Variants in FAM20C observed in about 807,000 individuals in gnomAD.
FAM20C encodes the protein FAM20C golgi associated secretory pathway kinase.
Under a neutral mutation model 51.5 loss-of-function variants are expected in FAM20C, and 40 were observed. That is an observed-to-expected ratio of 0.78 (90% confidence interval 0.60 to 1.01). The LOEUF is 1.01. FAM20C is among the 50% of genes least tolerant of loss of function. FAM20C has a pLI of 0.00. For synonymous variants in FAM20C, 406 were observed against 380.6 expected (o/e 1.07, Z -0.78); for missense variants, 861 against 844.7 (o/e 1.02, Z -0.24).
chr7:209,073 G>C (rs890751208), intron 3 of FAM20C, 97 bp downstream of exon 3: 1 of 1,231,798 alleles, frequency 8.1e-7, no homozygotes, highest in African/African-American at 1.5e-5. Context: ...CTCCTCCCAG[G>C]GTGTTTTGGG....
chr7:217,229 C>G lies in FAM20C; in HGVS notation c.863+8253C>G, dbSNP rs184333020. 3.2e-3 allele frequency among the ~76,000 whole-genome samples: 487 copies of G among 152,242 alleles called. 4 individuals carry two copies. Among genetic ancestry groups the G allele is most frequent in the East Asian group, 0.016 (84 of 5,162 alleles). On this transcript the variant is annotated intron_variant, in intron 3 of 9. Transcript: ENST00000313766. ...GGGGAGGCGGACACAGCTTTGGCCT[C>G]GGACTTGCAGCTGCGTGGGGCCTTC... is the stretch of plus-strand genomic sequence containing the variant.
intron 3 of FAM20C, among the ~76,000 whole-genome samples, chr7:218,651 G>A (rs112377281): frequency 9.2e-5 from 14 of 152,214 alleles, no homozygotes; most frequent in East Asian, 1.9e-4. Context: ...TGGCCCAGCC[G>A]AGGACAGGGC....
chr7:215,229 G>T (rs953729278), intron 3 of FAM20C, among the ~76,000 whole-genome samples: 1 of 19,598 alleles, frequency 5.1e-5, no homozygotes, highest in Admixed American at 3.9e-4. Context: ...GGCTCCAGCT[G>T]GGGGGGGGAG....
intron 3 of FAM20C, among the ~76,000 whole-genome samples, chr7:216,644 T>C (rs1220839765): frequency 1.4e-4 from 20 of 138,230 alleles, no homozygotes; most frequent in Admixed American, 1.4e-3. Flanking sequence ...TGTGTGTGAG[T>C]GTGTGTGAGT....
At chr7:210,589 C>T (rs1055008408) in intron 3 of FAM20C, among the ~76,000 whole-genome samples, 2 of 152,082 alleles carry the variant, frequency 1.3e-5, no homozygotes, top group African/African-American at 2.4e-5. Flanking sequence ...AGGCAGACTC[C>T]CGCCTCCCAC....
chr7:218,859 G>A (rs1180822536), intron 3 of FAM20C, among the ~76,000 whole-genome samples: 2 of 149,768 alleles, frequency 1.3e-5, no homozygotes, highest in African/African-American at 4.9e-5. Flanking sequence ...GGCCCAGGAC[G>A]CACAGATCAC....
intron 3 of FAM20C, among the ~76,000 whole-genome samples, chr7:214,103 A>G (rs538168817): frequency 1.0e-3 from 152 of 152,290 alleles, no homozygotes; most frequent in African/African-American, 3.5e-3. Flanking sequence ...AGGCAGGTGG[A>G]TCATCTGAGG....
Position 214,123 on chromosome 7 carries a change from C to A in FAM20C, c.863+5147C>A, listed in dbSNP as rs550509402. On this transcript the variant is annotated intron_variant, in intron 3 of 9. Coordinates refer to ENST00000313766, the MANE Select transcript of FAM20C (RefSeq NM_020223.4). Reference sequence around the variant, plus strand: ...GGTGGATCATCTGAGGTTGGGAGTTCAAGACCAGCCTGACCCACATGGTGA... The same window carrying A: ...GGTGGATCATCTGAGGTTGGGAGTTAAAGACCAGCCTGACCCACATGGTGA... Among the ~76,000 whole-genome samples, 14 of 152,236 alleles carry A rather than the reference C, an allele frequency of 9.2e-5. No homozygotes were observed. The East Asian group carries it at 2.7e-3, about 29-fold the overall frequency.
At chr7:241,426 C>A (rs1186349001) in intron 3 of FAM20C, among the ~76,000 whole-genome samples, 1 of 152,176 alleles carries the variant, frequency 6.6e-6, no homozygotes, top group Non-Finnish European at 1.5e-5. Context: ...TCAGACTCCG[C>A]CTTTTCAGGG....
At chr7:207,235 T>C (rs377484370) in intron 2 of FAM20C, among the ~76,000 whole-genome samples, 12 of 37,360 alleles carry the variant, frequency 3.2e-4, no homozygotes, top group Non-Finnish European at 2.4e-4. Flanking sequence ...TCGGTCACTG[T>C]CCCCTCGGCC....
At chr7:220,951 GT>G (rs1787234059) in intron 3 of FAM20C, among the ~76,000 whole-genome samples, 11 of 150,674 alleles carry the variant, frequency 7.3e-5, no homozygotes, top group Non-Finnish European at 1.2e-4. Context: ...TGCAGGAGCC[GT>G]TCTTAGCATC....
At chr7:209,751 A>G (rs1411704173) in intron 3 of FAM20C, among the ~76,000 whole-genome samples, 3 of 152,218 alleles carry the variant, frequency 2.0e-5, no homozygotes, top group Non-Finnish European at 2.9e-5. Context: ...CTTTCTAGAG[A>G]AGCCAGAAAT....
rs1423259907 is a variant in FAM20C, at chr7:206,558, C to T, written c.785-2340C>T. Among the ~76,000 whole-genome samples, 34 of 47,212 alleles carry T rather than the reference C, an allele frequency of 7.2e-4. 2 individuals are homozygous for T. The highest frequency in any genetic ancestry group is 2.6e-3 in the East Asian group (3 of 1,142). The allele number at this position is 47,212 out of a possible 152,430, so 31.0% of individuals were successfully genotyped here. A position where few individuals can be genotyped will look rare whatever the true frequency, so the allele number is the denominator to read the frequency against. ...CCCTGCACACGTGTCCACTGTGACG[C>T]GTCGGTCACTGTCCCCTCAGCCCCG... On this transcript the variant is annotated intron_variant, in intron 2 of 9. Coordinates refer to ENST00000313766, the MANE Select transcript of FAM20C (RefSeq NM_020223.4).
chr7:200,708 G>A (rs562708636), intron 2 of FAM20C, among the ~76,000 whole-genome samples: 1 of 152,378 alleles, frequency 6.6e-6, no homozygotes, highest in African/African-American at 2.4e-5. Flanking sequence ...ACAGTCTGGG[G>A]TGGAGGCGGT....
At chr7:246,939 C>G (rs1788191331) in intron 4 of FAM20C, among the ~76,000 whole-genome samples, 1 of 152,184 alleles carries the variant, frequency 6.6e-6, no homozygotes, top group Non-Finnish European at 1.5e-5. Flanking sequence ...CCAGATGGGC[C>G]CCTCCTGCAC....
At chr7:200,669 G>A (rs1325953070) in intron 2 of FAM20C, among the ~76,000 whole-genome samples, 2 of 152,224 alleles carry the variant, frequency 1.3e-5, no homozygotes, top group East Asian at 1.9e-4. Context: ...AAAATAAAAG[G>A]GGCCTTGAAG....
At chr7:223,318 G>A (rs547831199) in intron 3 of FAM20C, among the ~76,000 whole-genome samples, 1 of 152,150 alleles carries the variant, frequency 6.6e-6, no homozygotes, top group Non-Finnish European at 1.5e-5. Flanking sequence ...ACGGCGGGTG[G>A]GTGCTGAGTC....
chr7:194,732 C>T (rs1247069930), intron 1 of FAM20C, among the ~76,000 whole-genome samples: 5 of 152,120 alleles, frequency 3.3e-5, no homozygotes, highest in African/African-American at 9.7e-5. Flanking sequence ...CAGGGAGAGA[C>T]GGCCGCCCAG....
intron 2 of FAM20C, among the ~76,000 whole-genome samples, chr7:199,937 G>T (rs866421350): frequency 1.3e-5 from 2 of 152,166 alleles, no homozygotes; most frequent in Non-Finnish European, 2.9e-5. Flanking sequence ...ATCCAGATTG[G>T]GACAAAGACT....
Sources: gnomAD v4.1 joint callset for allele counts (sites outside exome capture counted in the v4.1 genomes callset) on GRCh38, gnomAD v4.1.1 for gene constraint, MANE v1.5 for transcripts, NCBI Gene and HGNC (gene_info 2026-07-23, HGNC 2026-07-21) for gene names.